The following HPSE2 variants were observed in gnomAD, a reference collection of about 807,000 sequenced individuals.
The protein encoded by HPSE2 is inactive heparanase-2.
Under a neutral mutation model 60.5 loss-of-function variants are expected in HPSE2, and 38 were observed. The observed-to-expected ratio is 0.63, with a 90% CI of 0.48 to 0.82. The LOEUF is 0.82. HPSE2 is among the 40% of genes least tolerant of loss of function. HPSE2 has a pLI of 0.00. For synonymous variants in HPSE2, 295 were observed against 293.2 expected (o/e 1.01, Z -0.06); for missense variants, 713 against 740.4 (o/e 0.96, Z 0.43).
intron 9 of HPSE2, among the ~76,000 whole-genome samples, chr10:98,507,668 CT>C (rs1443125515): frequency 2.0e-5 from 3 of 152,108 alleles, no homozygotes; most frequent in African/African-American, 7.2e-5. Context: ...CGTCCTCCCC[CT>C]CTCTATCCTT....
At chr10:98,895,580 C>CTGAA (rs1404072566) in intron 3 of HPSE2, among the ~76,000 whole-genome samples, 2 of 152,136 alleles carry the variant, frequency 1.3e-5, no homozygotes, top group Non-Finnish European at 2.9e-5. Flanking sequence ...ACCAAAGGAA[C>CTGAA]TTCACCCCAA....
At chr10:99,274,702 A>T in the HPSE2 span, among the ~76,000 whole-genome samples, 596 of 152,332 alleles carry the variant, frequency 3.9e-3, 10 homozygotes, top group African/African-American at 0.014. Context: ...AGAACTTCCC[A>T]TTCTGTCTGA....
At chr10:98,743,853 C>G in intron 4 of HPSE2, 30 bp downstream of exon 4, 1 of 1,592,198 alleles carries the variant, frequency 6.3e-7, no homozygotes, top group Non-Finnish European at 8.6e-7. Context: ...TTTATTTTGT[C>G]AATTCAGAGG....
chr10:98,600,757 A>T (rs545745660), intron 9 of HPSE2, among the ~76,000 whole-genome samples: 45 of 106,878 alleles, frequency 4.2e-4, no homozygotes, highest in African/African-American at 1.2e-3. Flanking sequence ...ACACAAAAAA[A>T]ATATACACAC....
At chr10:98,905,874 G>A (rs1042292695) in intron 3 of HPSE2, among the ~76,000 whole-genome samples, 2 of 152,090 alleles carry the variant, frequency 1.3e-5, no homozygotes, top group East Asian at 3.9e-4. Flanking sequence ...TCAGGGTCAG[G>A]GACAACATCT....
chr10:99,235,579 T>C lies in HPSE2; in HGVS notation c.224A>G (p.Asn75Ser), dbSNP rs746630981. The change falls in exon 1 of 12, where the codon AAT becomes AGT. Residue 75 changes from asparagine to serine, a missense_variant. Asn to Ser is a conservative substitution (Grantham distance 46). Coordinates refer to ENST00000370552, the MANE Select transcript of HPSE2 (RefSeq NM_021828.5). Reference protein sequence around the residue: ...VSTKNPVRTVNENFLSLQLDP... With the variant: ...VSTKNPVRTVSENFLSLQLDP... ...CAGCTGCAGAGAGAGGAAGTTCTCATTGACTGTCCTGACTGGGTTCTTGGT... is the reference window on the plus strand; with the variant it reads ...CAGCTGCAGAGAGAGGAAGTTCTCACTGACTGTCCTGACTGGGTTCTTGGT... 10 of 1,613,984 alleles carry C rather than the reference T, an allele frequency of 6.2e-6. No homozygotes were observed. The highest frequency in any genetic ancestry group is 3.3e-5 in the South Asian group (3 of 91,072).
the HPSE2 span, among the ~76,000 whole-genome samples, chr10:99,303,408 C>T: frequency 1.3e-5 from 2 of 152,102 alleles, no homozygotes; most frequent in Non-Finnish European, 2.9e-5. Flanking sequence ...GTTCTGAAGG[C>T]CCTCCAAGCA....
At chr10:99,104,950 A>T (rs912187798) in intron 3 of HPSE2, among the ~76,000 whole-genome samples, 5 of 152,090 alleles carry the variant, frequency 3.3e-5, no homozygotes, top group Non-Finnish European at 7.4e-5. Flanking sequence ...ATTAGGAGAT[A>T]TAACTAACGT....
In HPSE2 at chr10:98,620,844, A is replaced by G. The variant is rs1392611852; in HGVS notation, c.1099-136T>C. 6 of 718,946 alleles carry G rather than the reference A, an allele frequency of 8.3e-6. No individual in the cohort carries two copies. In the East Asian group the frequency reaches 1.6e-4, roughly 19 times the overall value. The allele number at this position is 718,946 out of a possible 1,614,324, so 44.5% of individuals were successfully genotyped here. ...GGGTCATGATTTGTGCTTTCTTATG[A>G]TGATGCACCCAGTTCAGTGAGTTGG... On this transcript the variant is annotated intron_variant, in intron 7 of 11. Transcript: ENST00000370552.
intron 10 of HPSE2, among the ~76,000 whole-genome samples, chr10:98,487,198 C>T (rs528038420): frequency 3.4e-4 from 52 of 152,254 alleles, no homozygotes; most frequent in Admixed American, 3.9e-4. Context: ...ACAAGAAGAT[C>T]GAGGATGAGA....
At chr10:99,170,418 A>G (rs1847263226) in intron 2 of HPSE2, among the ~76,000 whole-genome samples, 1 of 152,200 alleles carries the variant, frequency 6.6e-6, no homozygotes, top group South Asian at 2.1e-4. Context: ...CCAGATGAAG[A>G]CACTATAGTT....
chr10:98,661,826 T>C lies in HPSE2; in HGVS notation c.1005-19886A>G, dbSNP rs1434203007. On this transcript the variant is annotated intron_variant, in intron 6 of 11. Coordinates refer to ENST00000370552, the MANE Select transcript of HPSE2 (RefSeq NM_021828.5). ...AGAACTCAATTTAAGTCTAAACTCT[T>C]ACACTATGCAGCTGTGTGGCCTTGG... Among the ~76,000 whole-genome samples, 8 of 152,220 alleles carry C rather than the reference T, an allele frequency of 5.3e-5. 1 individual carries two copies. Among genetic ancestry groups the C allele is most frequent in the Non-Finnish European group, 1.0e-4 (7 of 68,034 alleles).
intron 5 of HPSE2, among the ~76,000 whole-genome samples, chr10:98,718,152 A>G (rs1948836602): frequency 6.6e-6 from 1 of 152,182 alleles, no homozygotes; most frequent in Non-Finnish European, 1.5e-5. Flanking sequence ...TTACAAAAGA[A>G]AAACAAGAAA....
intron 9 of HPSE2, among the ~76,000 whole-genome samples, chr10:98,571,810 T>C (rs1944501707): frequency 1.3e-5 from 2 of 152,210 alleles, no homozygotes; most frequent in African/African-American, 4.8e-5. Flanking sequence ...CAGCCCAGCC[T>C]GATTCATTTC....
the HPSE2 span, among the ~76,000 whole-genome samples, chr10:99,245,374 A>T: frequency 3.3e-5 from 5 of 152,216 alleles, no homozygotes; most frequent in Non-Finnish European, 7.3e-5. Context: ...AATCTATTTG[A>T]TTCCTAGGTT....
chr10:99,016,052 T>C (rs1321697823), intron 3 of HPSE2, among the ~76,000 whole-genome samples: 1 of 152,180 alleles, frequency 6.6e-6, no homozygotes, highest in Non-Finnish European at 1.5e-5. Flanking sequence ...TCAGATCCCA[T>C]TTGTCAATTT....
At chr10:99,016,425 G>T (rs557029792) in intron 3 of HPSE2, among the ~76,000 whole-genome samples, 121 of 152,186 alleles carry the variant, frequency 8.0e-4, no homozygotes, top group Admixed American at 2.9e-3. Context: ...ATGATGTTTT[G>T]GTTACTGTAG....
intron 2 of HPSE2, among the ~76,000 whole-genome samples, chr10:99,183,743 C>G (rs959657951): frequency 3.9e-5 from 6 of 152,168 alleles, no homozygotes; most frequent in African/African-American, 1.4e-4. Context: ...AGACCAAACC[C>G]CTGGTGTTTC....
chr10:99,253,258 C>T, the HPSE2 span, among the ~76,000 whole-genome samples: 1 of 152,176 alleles, frequency 6.6e-6, no homozygotes, highest in Non-Finnish European at 1.5e-5. Flanking sequence ...GCAACCAAAA[C>T]TGTACCACTC....
Sources: gnomAD v4.1 joint callset for allele counts (sites outside exome capture counted in the v4.1 genomes callset) on GRCh38, gnomAD v4.1.1 for gene constraint, MANE v1.5 for transcripts, NCBI Gene and HGNC (gene_info 2026-07-23, HGNC 2026-07-21) for gene names.